ZNF536: variants seen among roughly 807,000 people sequenced by gnomAD.
ZNF536 encodes the protein zinc finger protein 536.
A neutral mutation model predicts 84.5 loss-of-function variants in ZNF536; 13 were observed. The ratio of observed to expected loss-of-function variants is 0.15; its 90% CI spans 0.10 to 0.24. The LOEUF (loss-of-function observed/expected upper bound fraction) is 0.24. Ranked by LOEUF, ZNF536 falls within the 10% of genes least tolerant of loss-of-function variation. The pLI, the probability that ZNF536 is intolerant of heterozygous loss-of-function variation, is 1.00. For synonymous variants in ZNF536, 811 were observed against 742.5 expected, an observed-to-expected ratio of 1.09 and a Z score of -1.50; for missense variants, 1,536 against 1,747.5, an observed-to-expected ratio of 0.88 and a Z score of 2.16.
upstream of ZNF536, among the ~76,000 whole-genome samples, chr19:30,370,604 A>G (rs914646555): frequency 6.6e-6 from 1 of 152,244 alleles, no homozygotes; most frequent in Admixed American, 6.5e-5. Context: ...TGTTCTCTTG[A>G]ATGAAGATTA....
chr19:30,277,670 C>G (rs1410183157), intron 1 of ZNF536, among the ~76,000 whole-genome samples: 1 of 152,246 alleles, frequency 6.6e-6, no homozygotes, highest in Non-Finnish European at 1.5e-5. Flanking sequence ...CATGCACATA[C>G]CCACACACAC....
chr19:30,255,366 A>C (rs937856890), intron 1 of ZNF536, among the ~76,000 whole-genome samples: 1 of 152,218 alleles, frequency 6.6e-6, no homozygotes, highest in Non-Finnish European at 1.5e-5. Context: ...CTAGGATTTC[A>C]TGACCCTGCG....
intron 2 of ZNF536, among the ~76,000 whole-genome samples, chr19:30,318,901 C>T (rs1313605020): frequency 1.3e-5 from 2 of 152,206 alleles, no homozygotes; most frequent in African/African-American, 2.4e-5. Flanking sequence ...GGGCAGTTTG[C>T]TCCCTTCTTT....
At chr19:30,330,944 C>T (rs1312150110) in intron 2 of ZNF536, among the ~76,000 whole-genome samples, 1 of 152,090 alleles carries the variant, frequency 6.6e-6, no homozygotes, top group Non-Finnish European at 1.5e-5. Context: ...GTTTCAGTCC[C>T]TACTGCACTT....
intron 1 of ZNF536, among the ~76,000 whole-genome samples, chr19:30,578,507 A>G (rs1056412093): frequency 1.3e-5 from 2 of 152,178 alleles, no homozygotes; most frequent in South Asian, 4.1e-4. Context: ...GCTGCATCTG[A>G]GCACGGAATC....
At chr19:30,646,808 G>A (rs1410292606) in intron 1 of ZNF536, among the ~76,000 whole-genome samples, 1 of 152,178 alleles carries the variant, frequency 6.6e-6, no homozygotes, top group African/African-American at 2.4e-5. Flanking sequence ...ACCTGCAGGA[G>A]AATTCCACCA....
chr19:30,640,230 GA>G (rs2049219418), intron 1 of ZNF536, among the ~76,000 whole-genome samples: 1 of 1,418 alleles, frequency 7.1e-4, no homozygotes, highest in Non-Finnish European at 0.017. Flanking sequence ...CTGGGCAACA[GA>G]GTGAGAGTGA....
At chr19:30,348,855 C>T (rs1004573621) in intron 2 of ZNF536, among the ~76,000 whole-genome samples, 12 of 149,808 alleles carry the variant, frequency 8.0e-5, no homozygotes, top group Admixed American at 2.0e-4. Flanking sequence ...GAGAGGCCAG[C>T]AGAATGAATG....
At chr19:30,249,937 G>T (rs1208968751) in intron 1 of ZNF536, among the ~76,000 whole-genome samples, 2 of 152,178 alleles carry the variant, frequency 1.3e-5, no homozygotes, top group African/African-American at 4.8e-5. Context: ...GTTTCTCTCT[G>T]GGCAAAGGCA....
chr19:30,706,925 C>T lies in ZNF536; in HGVS notation c.170-3832C>T, dbSNP rs548731994. On this transcript the variant is annotated intron_variant, in intron 1 of 1. Transcript: ENST00000592773. ...TTGGCCAAAGCCTCGAAACATTTCT[C>T]AGGTTTCCCGGTGTCTTGCTCCTTC... Among the ~76,000 whole-genome samples, 6 of 152,306 alleles carry T rather than the reference C, an allele frequency of 3.9e-5. No homozygotes were observed. In the South Asian group the frequency reaches 1.2e-3, roughly 32 times the overall value.
At chr19:30,649,475 G>T (rs534986510) in intron 1 of ZNF536, among the ~76,000 whole-genome samples, 1 of 150,888 alleles carries the variant, frequency 6.6e-6, no homozygotes, top group Admixed American at 6.6e-5. Flanking sequence ...GGAACATTAA[G>T]ATTCAATATT....
At chr19:30,316,115 T>A (rs2046670467) in intron 2 of ZNF536, among the ~76,000 whole-genome samples, 1 of 152,232 alleles carries the variant, frequency 6.6e-6, no homozygotes, top group Non-Finnish European at 1.5e-5. Flanking sequence ...AGTTTGGGTA[T>A]TTCTGTAGGA....
At chr19:30,546,737 A>C (rs994584218) in intron 3 of ZNF536, among the ~76,000 whole-genome samples, 2 of 152,236 alleles carry the variant, frequency 1.3e-5, no homozygotes, top group Non-Finnish European at 2.9e-5. Flanking sequence ...TGGAAGAAAT[A>C]ATTGTGGATA....
chr19:30,521,672 C>T (rs961629977), intron 2 of ZNF536, among the ~76,000 whole-genome samples: 2 of 152,218 alleles, frequency 1.3e-5, no homozygotes, highest in East Asian at 3.9e-4. Flanking sequence ...GGAGGAGGAA[C>T]CTCAGCCCTT....
intron 2 of ZNF536, among the ~76,000 whole-genome samples, chr19:30,287,658 A>C (rs1163752993): frequency 2.6e-5 from 2 of 76,728 alleles, no homozygotes; most frequent in African/African-American, 1.5e-4. Flanking sequence ...GGGTGGGTGG[A>C]TGGATGGGTG....
intron 1 of ZNF536, among the ~76,000 whole-genome samples, chr19:30,379,343 T>TG (rs2147140972): frequency 6.6e-6 from 1 of 152,214 alleles, no homozygotes; most frequent in South Asian, 2.1e-4. Context: ...CCCGGCATGA[T>TG]GACAGTGATG....
At chr19:30,642,018 CAA>C (rs2049283515) in intron 1 of ZNF536, among the ~76,000 whole-genome samples, 1 of 152,150 alleles carries the variant, frequency 6.6e-6, no homozygotes, top group Non-Finnish European at 1.5e-5. Context: ...AAAAGCACAG[CAA>C]AGTTTGCGGG....
At chr19:30,311,927 T>C (rs2046518607) in intron 2 of ZNF536, among the ~76,000 whole-genome samples, 2 of 151,962 alleles carry the variant, frequency 1.3e-5, no homozygotes, top group South Asian at 2.1e-4. Context: ...AAAAAATTAG[T>C]TGAGGTGGTG....
chr19:30,628,362 G>A lies in ZNF536; in HGVS notation c.169+78848G>A, dbSNP rs568813469. On this transcript the variant is annotated intron_variant, in intron 1 of 1. Coordinates refer to the ZNF536 transcript ENST00000592773. Reference sequence around the variant, plus strand: ...CCCTGTGCTTTCCAACAGACATACAGCTCTGCACCGAGGAGGACAGAAAAC... The same window carrying A: ...CCCTGTGCTTTCCAACAGACATACAACTCTGCACCGAGGAGGACAGAAAAC... 2.0e-5 allele frequency among the ~76,000 whole-genome samples: 3 copies of A among 151,756 alleles called. No individual in the cohort carries two copies. In the East Asian group the frequency reaches 5.8e-4, roughly 29 times the overall value.
Sources: allele counts gnomAD v4.1 joint callset (sites outside exome capture counted in the v4.1 genomes callset), GRCh38; gene constraint gnomAD v4.1.1; transcripts MANE v1.5; gene names NCBI Gene and HGNC (gene_info 2026-07-23, HGNC 2026-07-21).